KDR: variants seen among roughly 807,000 people sequenced by gnomAD.
The protein encoded by KDR is kinase insert domain receptor.
Under a neutral mutation model 160.9 loss-of-function variants are expected in KDR, and 43 were observed. The observed-to-expected ratio is 0.27, with a 90% CI of 0.21 to 0.34. The LOEUF is 0.34. Among genes scored for constraint, KDR ranks in the 10% least tolerant of loss-of-function variants. The pLI is 1.00. For missense variants in KDR, 1,469 were observed against 1,666.4 expected, an observed-to-expected ratio of 0.88 and a Z score of 2.06; for synonymous variants, 617 against 600.1, an observed-to-expected ratio of 1.03 and a Z score of -0.41.
Position 55,087,683 on chromosome 4 carries a change from T to C in KDR, c.3586A>G (p.Thr1196Ala). ...MEEDSGLSLP[T>A]SPVSCMEEEE... ...TCCTCCATACAGGAAACAGGTGAGG[T>C]AGGCAGAGAGAGTCCAGAATCCTCT... Residue 1196 changes from threonine to alanine, a missense_variant, in exon 27 of 30, where the codon ACC becomes GCC. Thr to Ala is a moderately conservative substitution (Grantham distance 58). Coordinates refer to ENST00000263923, the MANE Select transcript of KDR (RefSeq NM_002253.4). 6.2e-7 allele frequency: 1 copy of C among 1,613,908 alleles called. No individual in the cohort carries two copies. Among genetic ancestry groups the C allele is most frequent in the Non-Finnish European group, 8.5e-7 (1 of 1,179,796 alleles).
At chr4:55,090,853 T>A (rs1719995288) in intron 22 of KDR, among the ~76,000 whole-genome samples, 1 of 134,434 alleles carries the variant, frequency 7.4e-6, no homozygotes, top group African/African-American at 3.0e-5. Context: ...AGAAAACTTT[T>A]TTTTTTTTTT....
At chr4:55,109,329 C>T (rs1249579469) in intron 9 of KDR, among the ~76,000 whole-genome samples, 4 of 151,958 alleles carry the variant, frequency 2.6e-5, no homozygotes, top group African/African-American at 7.3e-5. Context: ...GTGATCCATC[C>T]GCCTCGGCCT....
chr4:55,101,163 GT>G (rs1720301922), intron 15 of KDR, among the ~76,000 whole-genome samples: 1 of 152,138 alleles, frequency 6.6e-6, no homozygotes, highest in Non-Finnish European at 1.5e-5. Flanking sequence ...CAATTCTAAT[GT>G]TTTTCCAAAT....
chr4:55,096,790 G>T (rs2110016710), intron 18 of KDR: 1 of 226,560 alleles, frequency 4.4e-6, no homozygotes, highest in South Asian at 6.6e-5. Context: ...GTGCCGATCT[G>T]TGCAGGCGAA....
rs1232558101 is a variant in KDR, at chr4:55,097,770, G to A, written c.2510-4C>T. On this transcript the variant is annotated splice_polypyrimidine_tract_variant and splice_region_variant and intron_variant, in intron 17 of 29. Transcript: ENST00000263923. ...GCACCACGGCCAAGAGGCTTACCTA[G>A]AGTCAACAACAACAGCAACAAGAAA... The A allele has an allele frequency of 5.0e-6, 8 of 1,600,798 alleles. No individual in the cohort carries two copies. Among genetic ancestry groups the A allele is most frequent in the African/African-American group, 2.7e-5 (2 of 74,508 alleles).
At position 55,092,553 on chromosome 4, in the gene KDR, T is replaced by G. The variant is rs932169178; in HGVS notation, c.3069+64A>C. 3.4e-5 allele frequency: 39 copies of G among 1,153,984 alleles called. 1 individual carries two copies. Among genetic ancestry groups the G allele is most frequent in the Non-Finnish European group, 4.5e-5 (34 of 761,414 alleles). 71.5% of individuals were successfully genotyped at this position (1,153,984 alleles called of 1,614,324 possible). On this transcript the variant is annotated intron_variant, in intron 22 of 29. Coordinates refer to ENST00000263923, the MANE Select transcript of KDR (RefSeq NM_002253.4). The stretch of plus-strand genomic sequence containing the variant: ...CCAAACAAGCACCAATGGCTGACAC[T>G]GGACATCTTATTTCCAAACCTGTGA...
At chr4:55,105,018 AT>A (rs1375174924) in intron 12 of KDR, 34 bp from the exon 13 acceptor site, 1 of 1,555,854 alleles carries the variant, frequency 6.4e-7, no homozygotes, top group Admixed American at 1.7e-5. Context: ...TTGAATGGTG[AT>A]TTAACTTGGT....
chr4:55,114,944 G>A lies in KDR; in HGVS notation c.588C>T (p.Gly196=), dbSNP rs778021486. The stretch of plus-strand genomic sequence containing the variant: ...TAATTTTTGCTTCACAGAAGACCAT[G>A]CCAGCATAGCTGATCATGTAGCTGG... The part of the protein sequence containing the change: ...TIPSYMISYA[G]MVFCEAKIND... The change falls in exon 5 of 30, where the codon GGC becomes GGT. Residue 196 remains glycine, a synonymous_variant. Transcript: ENST00000263923. 1 of 1,613,778 alleles carries A rather than the reference G, an allele frequency of 6.2e-7. No homozygotes were observed. Among genetic ancestry groups the A allele is most frequent in the Non-Finnish European group, 8.5e-7 (1 of 1,179,716 alleles).
Position 55,125,176 on chromosome 4 carries a change from T to C in KDR, c.67+51A>G, listed in dbSNP as rs765321302. ...AGTTAGATCTGGCTTTCAGGTCCTC[T>C]CCGCCCTCACCCGACCTGTCTGCCT... On this transcript the variant is annotated intron_variant, in intron 1 of 29. Transcript: ENST00000263923. 7 of 1,546,716 alleles carry C rather than the reference T, an allele frequency of 4.5e-6. No individual in the cohort carries two copies. The African/African-American group carries it at 9.5e-5, about 21-fold the overall frequency.
intron 5 of KDR, 147 bp from the exon 6 acceptor site, chr4:55,114,412 GA>G (rs1254381312): frequency 3.7e-6 from 3 of 801,398 alleles, no homozygotes; most frequent in Non-Finnish European, 4.0e-6. Context: ...TAGCTCCCAG[GA>G]AAATGGCCAA....
chr4:55,092,916 C>T (rs921741943), intron 21 of KDR, among the ~76,000 whole-genome samples: 3 of 152,168 alleles, frequency 2.0e-5, no homozygotes, highest in Non-Finnish European at 2.9e-5. Context: ...AGGAACAATA[C>T]TGGTTTTTCC....
rs764145187 is a variant in KDR, at chr4:55,110,783, A to ATT, written c.977-16_977-15insAA. 16 of 1,581,992 alleles carry ATT rather than the reference A, an allele frequency of 1.0e-5. No individual in the cohort carries two copies. In the African/African-American group the frequency reaches 2.2e-4, roughly 22 times the overall value. ...AAAAGGTTTTTCTGGAAGAAAATAAAAAAAAAAAAAGGTCAACTTACTGTA... is the reference window on the plus strand; with the variant it reads ...AAAAGGTTTTTCTGGAAGAAAATAAATTAAAAAAAAAAGGTCAACTTACTGTA... On this transcript the variant is annotated splice_polypyrimidine_tract_variant and intron_variant, in intron 7 of 29. Transcript: ENST00000263923.
At chr4:55,124,618 C>T (rs1720982744) in intron 1 of KDR, among the ~76,000 whole-genome samples, 1 of 152,092 alleles carries the variant, frequency 6.6e-6, no homozygotes. Context: ...CCCTATTCCC[C>T]CCCTTCTTCG....
At chr4:55,097,859 T>C (rs549972582) in intron 17 of KDR, 93 bp from the exon 18 acceptor site, 9 of 927,100 alleles carry the variant, frequency 9.7e-6, no homozygotes, top group African/African-American at 8.1e-5. Flanking sequence ...AGGGTGACCA[T>C]ACATCCCAAT....
Position 55,080,176 on chromosome 4 carries a change from TG to T in KDR, c.3849-14del, listed in dbSNP as rs749250974. 1 of 1,611,252 alleles carries T rather than the reference TG, an allele frequency of 6.2e-7. No homozygotes were observed. Among genetic ancestry groups the T allele is most frequent in the Admixed American group, 1.7e-5 (1 of 60,010 alleles). ...GGGCACCATTCCACTGCAGAAGAAA[TG>T]GCAAACAAAGGAGTTGGCAGAGAGA... On this transcript the variant is annotated splice_polypyrimidine_tract_variant and intron_variant, in intron 29 of 29. Coordinates refer to ENST00000263923, the MANE Select transcript of KDR (RefSeq NM_002253.4).
intron 5 of KDR, 50 bp from the exon 6 acceptor site, chr4:55,114,315 A>G: frequency 6.3e-7 from 1 of 1,581,792 alleles, no homozygotes; most frequent in Admixed American, 1.7e-5. Flanking sequence ...AAATAAGCCT[A>G]TAACTTTGCA....
intron 29 of KDR, among the ~76,000 whole-genome samples, chr4:55,081,676 T>G (rs1184389390): frequency 6.6e-6 from 1 of 152,220 alleles, no homozygotes; most frequent in Non-Finnish European, 1.5e-5. Flanking sequence ...CCTTTTTCAT[T>G]TAGCCATTAC....
At chr4:55,082,343 T>C (rs1311619627) in intron 28 of KDR, among the ~76,000 whole-genome samples, 193 bp downstream of exon 28, 1 of 152,156 alleles carries the variant, frequency 6.6e-6, no homozygotes, top group African/African-American at 2.4e-5. Flanking sequence ...AGCTACACTG[T>C]CTTGAACCTT....
At chr4:55,107,048 T>G (rs895594971) in intron 10 of KDR, among the ~76,000 whole-genome samples, 1 of 152,178 alleles carries the variant, frequency 6.6e-6, no homozygotes, top group Non-Finnish European at 1.5e-5. Context: ...TAAACCTTCA[T>G]TCATAAATTG....
Sources: allele counts gnomAD v4.1 joint callset (sites outside exome capture counted in the v4.1 genomes callset), GRCh38; gene constraint gnomAD v4.1.1; transcripts MANE v1.5; gene names NCBI Gene and HGNC (gene_info 2026-07-23, HGNC 2026-07-21).